Variants in C8orf76 observed in about 807,000 individuals in gnomAD.
The protein encoded by C8orf76 is uncharacterized protein C8orf76.
Under a neutral mutation model 38.1 loss-of-function variants are expected in C8orf76, and 46 were observed. That is an observed-to-expected ratio of 1.21 (90% CI 0.95 to 1.54). The LOEUF is 1.54. Among genes scored for constraint, C8orf76 ranks in the 40% most tolerant of loss-of-function variants. The pLI is 0.00. For synonymous variants in C8orf76, 166 were observed against 167.5 expected, an observed-to-expected ratio of 0.99 and a Z score of 0.07; for missense variants, 461 against 441.6, an observed-to-expected ratio of 1.04 and a Z score of -0.39.
Position 123,241,268 on chromosome 8 carries a change from G to C in C8orf76, c.79C>G (p.Pro27Ala). 2 of 1,586,452 alleles carry C rather than the reference G, an allele frequency of 1.3e-6. No homozygotes were observed. The highest frequency in any genetic ancestry group is 8.5e-7 in the Non-Finnish European group (1 of 1,170,320). ...FEERPERRSG[P>A]PASYCAKLCE... Reference sequence around the variant, plus strand: ...AGCTTGGCGCAGTAGGACGCGGGCGGTCCTGACCGCCGCTCCGGCCTCTCC... The same window carrying C: ...AGCTTGGCGCAGTAGGACGCGGGCGCTCCTGACCGCCGCTCCGGCCTCTCC... The change falls in exon 1 of 6, where the codon CCG becomes GCG. Residue 27 changes from proline (P) to alanine (A), a missense_variant. By Grantham distance (27) the Pro-to-Ala change is conservative (BLOSUM62 -1). Transcript: ENST00000276704.
chr8:123,237,758 T>A, intron 3 of C8orf76, 40 bp downstream of exon 3: 1 of 1,598,414 alleles, frequency 6.3e-7, no homozygotes, highest in South Asian at 1.1e-5. Context: ...CGACCACCCT[T>A]ATAGGAATGT....
intron 3 of C8orf76, 45 bp downstream of exon 3, chr8:123,237,753 A>C: frequency 6.5e-7 from 1 of 1,549,474 alleles, no homozygotes; most frequent in Non-Finnish European, 8.7e-7. Context: ...CCATTCGACC[A>C]CCCTTATAGG....
chr8:123,228,641 C>CG (rs1825131588), intron 4 of C8orf76, among the ~76,000 whole-genome samples: 1 of 151,626 alleles, frequency 6.6e-6, no homozygotes, highest in South Asian at 2.1e-4. Context: ...CACCAAAACC[C>CG]AAAACACACA....
intron 4 of C8orf76, 50 bp downstream of exon 4, chr8:123,231,250 C>T: frequency 6.5e-7 from 1 of 1,532,592 alleles, no homozygotes; most frequent in Non-Finnish European, 8.7e-7. Flanking sequence ...AAAATAAAGC[C>T]TTTACTCTGA....
intron 4 of C8orf76, among the ~76,000 whole-genome samples, chr8:123,231,061 A>G (rs919546478): frequency 1.3e-5 from 2 of 152,176 alleles, no homozygotes; most frequent in African/African-American, 4.8e-5. Context: ...GCCTCCCAAA[A>G]TGCTGGGATT....
chr8:123,224,565 T>G (rs971700941), intron 5 of C8orf76, among the ~76,000 whole-genome samples: 6 of 152,208 alleles, frequency 3.9e-5, no homozygotes, highest in Non-Finnish European at 8.8e-5. Context: ...TGAGCTAAGA[T>G]TATGCACTGC....
chr8:123,233,587 G>A (rs1279255858), intron 3 of C8orf76, among the ~76,000 whole-genome samples: 1 of 151,370 alleles, frequency 6.6e-6, no homozygotes, highest in East Asian at 2.0e-4. Flanking sequence ...TTAGGGATGC[G>A]GTTTCACCAT....
chr8:123,234,488 G>T (rs773024098), intron 3 of C8orf76, among the ~76,000 whole-genome samples: 1 of 152,204 alleles, frequency 6.6e-6, no homozygotes, highest in Admixed American at 6.5e-5. Context: ...TACAAAAAAG[G>T]CTGGGCGCAT....
chr8:123,235,830 G>T (rs558368577), intron 3 of C8orf76, among the ~76,000 whole-genome samples: 1 of 152,054 alleles, frequency 6.6e-6, no homozygotes, highest in South Asian at 2.1e-4. Context: ...AATCAAAGAG[G>T]AGGAGGAGGA....
At chr8:123,239,208 C>T (rs1586813383) in intron 1 of C8orf76, 64 bp from the exon 2 acceptor site, 1 of 1,521,102 alleles carries the variant, frequency 6.6e-7, no homozygotes, top group East Asian at 2.3e-5. Context: ...TATTCAGAAG[C>T]AATTTCCCAT....
chr8:123,223,132 G>A (rs1824932691), intron 5 of C8orf76, among the ~76,000 whole-genome samples: 1 of 152,174 alleles, frequency 6.6e-6, no homozygotes, highest in Non-Finnish European at 1.5e-5. Context: ...TGACTATCCA[G>A]TCATTAAAAA....
At position 123,237,518 on chromosome 8, in the gene C8orf76, C is replaced by G. The variant is rs1167412717; in HGVS notation, c.357+280G>C. 2.6e-5 allele frequency among the ~76,000 whole-genome samples: 4 copies of G among 152,144 alleles called. No homozygotes were observed. In the East Asian group the frequency reaches 7.7e-4, roughly 29 times the overall value. ...ACAGATCACTCATAGTCCTTCCACA[C>G]TGAATGTTACTCCTAACAAGAGAAA... On this transcript the variant is annotated intron_variant, in intron 3 of 5. Coordinates refer to ENST00000276704, the MANE Select transcript of C8orf76 (RefSeq NM_032847.3).
At chr8:123,226,739 A>C in intron 4 of C8orf76, 107 bp from the exon 5 acceptor site, 1 of 1,454,586 alleles carries the variant, frequency 6.9e-7, no homozygotes, top group South Asian at 1.5e-5. Context: ...GTCGGCTGCA[A>C]GTCCCACCAG....
intron 3 of C8orf76, chr8:123,236,975 A>C: frequency 6.4e-7 from 1 of 1,551,382 alleles, no homozygotes; most frequent in African/African-American, 1.4e-5. Flanking sequence ...ACTTGCGGGC[A>C]AACAGCTGGA....
intron 1 of C8orf76, 105 bp from the exon 2 acceptor site, chr8:123,239,249 T>C: frequency 7.9e-7 from 1 of 1,261,438 alleles, no homozygotes; most frequent in Non-Finnish European, 1.1e-6. Context: ...AAAAAAAGAC[T>C]TCTTCAAGAG....
chr8:123,221,891 A>T (rs1446578405), intron 5 of C8orf76, among the ~76,000 whole-genome samples: 1 of 152,196 alleles, frequency 6.6e-6, no homozygotes, highest in African/African-American at 2.4e-5. Flanking sequence ...CCTGGGAGAT[A>T]GAGTGAGACC....
chr8:123,239,250 T>C (rs1471986946), intron 1 of C8orf76, 106 bp from the exon 2 acceptor site: 3 of 1,208,396 alleles, frequency 2.5e-6, no homozygotes, highest in Non-Finnish European at 3.5e-6. Context: ...AAAAAAGACT[T>C]CTTCAAGAGT....
At position 123,231,332 on chromosome 8, in the gene C8orf76, C is replaced by G; in HGVS notation, c.783G>C (p.Gln261His). The G allele has an allele frequency of 6.2e-7, 1 of 1,612,534 alleles. No individual in the cohort carries two copies. ...GTATAAAAGAGGCACATGCTTTCAG[C>G]TGAGTCTCTATCAACACTGTTTCTC... ...EKRETVLIET[Q>H]LKACASFIRT... The change falls in exon 4 of 6, where the codon CAG becomes CAC. Residue 261 changes from glutamine to histidine, a missense_variant. Physicochemically the swap from Gln to His is conservative, Grantham distance 24. Coordinates refer to ENST00000276704, the MANE Select transcript of C8orf76 (RefSeq NM_032847.3).
chr8:123,227,614 C>T (rs140211023), intron 4 of C8orf76, among the ~76,000 whole-genome samples: 39 of 152,136 alleles, frequency 2.6e-4, no homozygotes, highest in African/African-American at 8.4e-4. Flanking sequence ...CATCTGGTGG[C>T]GAGGGCTTGG....
Sources: allele counts gnomAD v4.1 joint callset (sites outside exome capture counted in the v4.1 genomes callset), GRCh38; gene constraint gnomAD v4.1.1; transcripts MANE v1.5; gene names NCBI Gene and HGNC (gene_info 2026-07-23, HGNC 2026-07-21).